Variants in CSMD3 observed in about 807,000 individuals in gnomAD.
CSMD3 encodes the protein CUB and Sushi multiple domains 3.
In CSMD3, 177 loss-of-function variants were observed where a neutral mutation model predicts 435.2. The ratio of observed to expected loss-of-function variants is 0.41; its 90% CI spans 0.36 to 0.46. CSMD3 has a LOEUF of 0.46. CSMD3 is among the 20% of genes least tolerant of loss of function. The probability of loss-of-function intolerance (pLI) is 0.34; values close to 1 mark genes in which losing one functional copy is unlikely to be tolerated. For synonymous variants in CSMD3, 1,656 were observed against 1,520.5 expected (o/e 1.09, Z -2.07); for missense variants, 4,265 against 4,504.6 (o/e 0.95, Z 1.52).
chr8:112,828,230 C>G (rs796460996), intron 12 of CSMD3, among the ~76,000 whole-genome samples: 22 of 152,186 alleles, frequency 1.4e-4, no homozygotes, highest in African/African-American at 4.6e-4. Flanking sequence ...AACAAAAATG[C>G]TGATCATTTT....
chr8:112,911,865 A>T (rs1309279483), intron 10 of CSMD3, among the ~76,000 whole-genome samples: 3 of 148,004 alleles, frequency 2.0e-5, no homozygotes, highest in African/African-American at 7.4e-5. Flanking sequence ...AGATATATCC[A>T]TTATGTATAA....
At chr8:113,361,245 C>T (rs954617974) in intron 1 of CSMD3, among the ~76,000 whole-genome samples, 6 of 152,090 alleles carry the variant, frequency 3.9e-5, no homozygotes, top group African/African-American at 1.4e-4. Context: ...TGATGTTACA[C>T]TTTTGCATTT....
chr8:112,710,187 A>G (rs1353105045), intron 13 of CSMD3, among the ~76,000 whole-genome samples: 1 of 152,134 alleles, frequency 6.6e-6, no homozygotes, highest in African/African-American at 2.4e-5. Context: ...TTCTTTGAAT[A>G]AAGCCAACAC....
At chr8:112,468,668 A>G (rs960653407) in intron 32 of CSMD3, among the ~76,000 whole-genome samples, 1 of 152,126 alleles carries the variant, frequency 6.6e-6, no homozygotes, top group Non-Finnish European at 1.5e-5. Flanking sequence ...TAATTCATAA[A>G]GTCTTAGGCA....
chr8:112,765,313 T>A (rs2077950079), intron 13 of CSMD3, among the ~76,000 whole-genome samples: 1 of 151,524 alleles, frequency 6.6e-6, no homozygotes, highest in Non-Finnish European at 1.5e-5. Flanking sequence ...AGGCTGAATT[T>A]GGATTTGAGA....
intron 13 of CSMD3, among the ~76,000 whole-genome samples, chr8:112,697,154 T>A (rs1253529030): frequency 6.6e-6 from 1 of 152,138 alleles, no homozygotes; most frequent in Non-Finnish European, 1.5e-5. Flanking sequence ...TCAACCATTG[T>A]GGAAGACAGT....
At chr8:112,438,841 T>C (rs1323089506) in intron 32 of CSMD3, among the ~76,000 whole-genome samples, 1 of 152,184 alleles carries the variant, frequency 6.6e-6, no homozygotes, top group Non-Finnish European at 1.5e-5. Context: ...TTCAGTATAA[T>C]TGTGTAATAA....
At chr8:112,816,613 C>T (rs965884798) in intron 12 of CSMD3, among the ~76,000 whole-genome samples, 1 of 151,934 alleles carries the variant, frequency 6.6e-6, no homozygotes, top group Non-Finnish European at 1.5e-5. Flanking sequence ...ATCATGTTTA[C>T]TAGTATGTTG....
At position 112,569,604 on chromosome 8, in the gene CSMD3, G is replaced by A. The variant is rs138803645; in HGVS notation, c.4042+3897C>T. ...CCAAAACTGAAAATAATCAGACAAT[G>A]GCAAGTGTTGCTAACTCAACAAAAT... is the stretch of plus-strand genomic sequence containing the variant. On this transcript the variant is annotated intron_variant, in intron 24 of 70. Coordinates refer to ENST00000297405, the MANE Select transcript of CSMD3 (RefSeq NM_198123.2). Among the ~76,000 whole-genome samples, 538 of 152,190 alleles carry A rather than the reference G, an allele frequency of 3.5e-3. 2 individuals are homozygous for A. Among genetic ancestry groups the A allele is most frequent in the African/African-American group, 0.012 (517 of 41,526 alleles).
chr8:113,367,507 A>G (rs1456617122), intron 1 of CSMD3, among the ~76,000 whole-genome samples: 2 of 152,138 alleles, frequency 1.3e-5, no homozygotes, highest in African/African-American at 4.8e-5. Context: ...AATTACAATT[A>G]TGATTCTTCC....
intron 12 of CSMD3, among the ~76,000 whole-genome samples, chr8:112,802,519 T>C (rs913629841): frequency 6.6e-6 from 1 of 152,090 alleles, no homozygotes; most frequent in Non-Finnish European, 1.5e-5. Context: ...ATTTCTCTTT[T>C]TTGCAATCTC....
chr8:112,756,130 T>G (rs1169603696), intron 13 of CSMD3, among the ~76,000 whole-genome samples: 1 of 152,130 alleles, frequency 6.6e-6, no homozygotes, highest in Admixed American at 6.5e-5. Flanking sequence ...GGTATAATCG[T>G]GAGGGCTGCC....
rs2130949298 is a variant in CSMD3 at position 112,335,488 on chromosome 8, A to G, written c.7020-14T>C. On this transcript the variant is annotated splice_polypyrimidine_tract_variant and intron_variant, in intron 44 of 70. Coordinates refer to ENST00000297405, the MANE Select transcript of CSMD3 (RefSeq NM_198123.2). ...TCTGGTCCATCCCTATGAGACAAGGATTGGGAAAGGAGGAGAGATCAAGAT... is the reference window on the plus strand; with the variant it reads ...TCTGGTCCATCCCTATGAGACAAGGGTTGGGAAAGGAGGAGAGATCAAGAT... 6.2e-7 allele frequency: 1 copy of G among 1,613,174 alleles called. No homozygotes were observed. The highest frequency in any genetic ancestry group is 2.2e-5 in the East Asian group (1 of 44,836).
chr8:113,272,384 T>C (rs557454990), intron 3 of CSMD3, among the ~76,000 whole-genome samples: 2 of 152,344 alleles, frequency 1.3e-5, no homozygotes, highest in South Asian at 4.1e-4. Context: ...GGGGATAATT[T>C]AAATCATGGG....
chr8:113,285,896 G>T (rs1297640269), intron 2 of CSMD3, among the ~76,000 whole-genome samples: 7 of 152,010 alleles, frequency 4.6e-5, no homozygotes, highest in Non-Finnish European at 8.8e-5. Flanking sequence ...AAATTCTACA[G>T]CTTTTCCTCT....
chr8:113,040,937 C>T (rs961320755), intron 5 of CSMD3, among the ~76,000 whole-genome samples: 2 of 152,000 alleles, frequency 1.3e-5, no homozygotes, highest in Non-Finnish European at 2.9e-5. Flanking sequence ...GAAGCGGTGG[C>T]TCACACCTGT....
At chr8:112,509,005 G>C (rs1381699796) in intron 28 of CSMD3, among the ~76,000 whole-genome samples, 1 of 151,384 alleles carries the variant, frequency 6.6e-6, no homozygotes, top group African/African-American at 2.4e-5. Flanking sequence ...TTATCGTAAG[G>C]TTTAAAGTTA....
intron 32 of CSMD3, among the ~76,000 whole-genome samples, chr8:112,458,166 T>C (rs1277658517): frequency 6.7e-6 from 1 of 149,930 alleles, no homozygotes; most frequent in Non-Finnish European, 1.5e-5. Context: ...GAGCTGCAAC[T>C]TTGTAAAGAC....
intron 1 of CSMD3, among the ~76,000 whole-genome samples, chr8:113,334,277 G>GTTTTT (rs199620801): frequency 1.3e-5 from 1 of 78,748 alleles, no homozygotes; most frequent in Non-Finnish European, 2.9e-5. Flanking sequence ...GATAGTTTAA[G>GTTTTT]TTTTTTTTTT....
Sources: gnomAD v4.1 joint callset for allele counts (sites outside exome capture counted in the v4.1 genomes callset) on GRCh38, gnomAD v4.1.1 for gene constraint, MANE v1.5 for transcripts, NCBI Gene and HGNC (gene_info 2026-07-23, HGNC 2026-07-21) for gene names.